Variants in GRIN2B observed in about 807,000 individuals in gnomAD.
GRIN2B encodes glutamate receptor ionotropic, NMDA 2B.
GRIN2B carries 5 observed loss-of-function variants against 114.5 expected under a neutral mutation model. The ratio of observed to expected loss-of-function variants is 0.04; its 90% CI spans 0.02 to 0.09. The LOEUF (loss-of-function observed/expected upper bound fraction) is 0.09, where lower values mean the gene tolerates loss of function less well. Among genes scored for constraint, GRIN2B ranks in the 10% least tolerant of loss-of-function variants. The pLI, the probability that GRIN2B is intolerant of heterozygous loss-of-function variation, is 1.00. For synonymous variants in GRIN2B, 787 were observed against 745.1 expected (o/e 1.06, Z -0.92); for missense variants, 1,108 against 1,943.5 (o/e 0.57, Z 8.08).
intron 3 of GRIN2B, among the ~76,000 whole-genome samples, chr12:13,820,925 C>A (rs1864922582): frequency 6.6e-6 from 1 of 152,082 alleles, no homozygotes; most frequent in African/African-American, 2.4e-5. Flanking sequence ...AATTCTACTG[C>A]CCACAGAATG....
intron 4 of GRIN2B, among the ~76,000 whole-genome samples, chr12:13,692,760 C>CTTTTTTTTT (rs71067718): frequency 5.8e-5 from 3 of 52,120 alleles, no homozygotes; most frequent in African/African-American, 9.5e-5. Context: ...TCTTTCTTTT[C>CTTTTTTTTT]TTTTTTTTTT....
intron 4 of GRIN2B, among the ~76,000 whole-genome samples, chr12:13,695,884 G>A (rs962811755): frequency 6.6e-6 from 1 of 152,148 alleles, no homozygotes; most frequent in African/African-American, 2.4e-5. Flanking sequence ...GCATGCTGGA[G>A]AATAATCTGA....
At chr12:13,936,593 T>C (rs948639635) in intron 2 of GRIN2B, among the ~76,000 whole-genome samples, 7 of 152,204 alleles carry the variant, frequency 4.6e-5, no homozygotes, top group Non-Finnish European at 8.8e-5. Context: ...TTAATACTTT[T>C]CTAAGGGAAA....
Position 13,555,845 on chromosome 12 carries a change from T to C in GRIN2B, c.*6938A>G, listed in dbSNP as rs908079555. ...AATTAAAAAGTCCAAGTGAGTAGGC[T>C]TCAGGTGAGGTTAAATTGATTGAAT... On this transcript the variant is annotated 3_prime_UTR_variant, in exon 14 of 14. Transcript: ENST00000609686. 6.6e-6 allele frequency: 1 copy of C among 152,176 alleles called. No homozygotes were observed. The highest frequency in any genetic ancestry group is 6.5e-5 in the Admixed American group (1 of 15,274). 9.4% of individuals were successfully genotyped at this position (152,176 alleles called of 1,614,324 possible).
chr12:13,917,827 A>G (rs1866758760), intron 2 of GRIN2B, among the ~76,000 whole-genome samples: 1 of 152,238 alleles, frequency 6.6e-6, no homozygotes, highest in Non-Finnish European at 1.5e-5. Flanking sequence ...AAAATATGCA[A>G]CAGTGTTCTT....
At chr12:13,691,817 C>T (rs1403502384) in intron 4 of GRIN2B, among the ~76,000 whole-genome samples, 2 of 152,122 alleles carry the variant, frequency 1.3e-5, no homozygotes, top group Non-Finnish European at 2.9e-5. Flanking sequence ...GTACAGAGAA[C>T]TGCCAAAATA....
intron 2 of GRIN2B, among the ~76,000 whole-genome samples, chr12:13,952,030 G>A (rs1285762817): frequency 6.6e-6 from 1 of 152,104 alleles, no homozygotes; most frequent in Non-Finnish European, 1.5e-5. Flanking sequence ...ATATATAGCA[G>A]TAAGAGAGAA....
At chr12:13,765,071 G>T (rs765435077) in intron 3 of GRIN2B, among the ~76,000 whole-genome samples, 1 of 152,190 alleles carries the variant, frequency 6.6e-6, no homozygotes. Context: ...TGTGAATTCT[G>T]ATCCATGCTA....
chr12:13,547,973 A>ATTT lies in GRIN2B; in HGVS notation c.*14809_*14810insAAA, dbSNP rs1313051828. 3.2e-3 allele frequency: 148 copies of ATTT among 46,274 alleles called. No homozygotes were observed. The highest frequency in any genetic ancestry group is 8.7e-3 in the African/African-American group (142 of 16,332). The allele number at this position is 46,274 out of a possible 1,614,324, so 2.9% of individuals were successfully genotyped here. Reference sequence around the variant, plus strand: ...TGTATGTGTGTGTATATATATATATATATATATATTTTTTTTTTTTTTCTG... The same window carrying ATTT: ...TGTATGTGTGTGTATATATATATATATTTTATATATATTTTTTTTTTTTTTCTG... On this transcript the variant is annotated 3_prime_UTR_variant, in exon 14 of 14. Coordinates refer to ENST00000609686, the MANE Select transcript of GRIN2B (RefSeq NM_000834.5).
intron 2 of GRIN2B, among the ~76,000 whole-genome samples, chr12:13,877,782 G>T (rs1866011585): frequency 6.6e-6 from 1 of 152,066 alleles, no homozygotes. Context: ...CTACTCTCAG[G>T]CCAGGCGCAG....
intron 5 of GRIN2B, among the ~76,000 whole-genome samples, chr12:13,637,673 T>C (rs1019504532): frequency 1.6e-4 from 25 of 152,154 alleles, no homozygotes; most frequent in African/African-American, 5.8e-4. Context: ...TTATCATTCA[T>C]AACCTAATAG....
intron 10 of GRIN2B, among the ~76,000 whole-genome samples, chr12:13,593,284 A>T (rs1949031654): frequency 6.6e-6 from 1 of 152,236 alleles, no homozygotes; most frequent in South Asian, 2.1e-4. Context: ...ATGCTACCTG[A>T]CTTCAAACTA....
chr12:13,588,571 T>A (rs1948963546), intron 10 of GRIN2B, among the ~76,000 whole-genome samples: 1 of 152,166 alleles, frequency 6.6e-6, no homozygotes, highest in Non-Finnish European at 1.5e-5. Context: ...GCATACAAAA[T>A]AATTCTTACA....
chr12:13,685,078 G>A (rs1950165572), intron 4 of GRIN2B, among the ~76,000 whole-genome samples: 1 of 152,102 alleles, frequency 6.6e-6, no homozygotes, highest in Admixed American at 6.5e-5. Context: ...GAAGCCCTTG[G>A]GTAAGAACCT....
At chr12:13,920,092 C>G (rs1283102600) in intron 2 of GRIN2B, among the ~76,000 whole-genome samples, 2 of 151,990 alleles carry the variant, frequency 1.3e-5, no homozygotes, top group Admixed American at 6.6e-5. Flanking sequence ...AAGAGCCCGC[C>G]TCCTCACTGA....
intron 5 of GRIN2B, among the ~76,000 whole-genome samples, chr12:13,642,974 A>G (rs1401417186): frequency 6.6e-6 from 1 of 152,176 alleles, no homozygotes. Context: ...ATATGCCACA[A>G]AAGAATACAC....
intron 4 of GRIN2B, among the ~76,000 whole-genome samples, chr12:13,736,531 A>C (rs889486223): frequency 5.3e-5 from 8 of 152,154 alleles, no homozygotes; most frequent in African/African-American, 1.9e-4. Context: ...CTTAACCTCA[A>C]ATGCAGAACT....
intron 4 of GRIN2B, among the ~76,000 whole-genome samples, chr12:13,732,999 G>A (rs1412927361): frequency 6.6e-6 from 1 of 152,250 alleles, no homozygotes; most frequent in African/African-American, 2.4e-5. Context: ...CTAGTTAGAG[G>A]AACACACACA....
chr12:13,607,001 G>A (rs939850196), intron 10 of GRIN2B, among the ~76,000 whole-genome samples: 1 of 149,486 alleles, frequency 6.7e-6, no homozygotes, highest in African/African-American at 2.5e-5. Context: ...GGTAAACACA[G>A]TGGAGTATAT....
Sources: gnomAD v4.1 joint callset for allele counts (sites outside exome capture counted in the v4.1 genomes callset) on GRCh38, gnomAD v4.1.1 for gene constraint, MANE v1.5 for transcripts, NCBI Gene and HGNC (gene_info 2026-07-23, HGNC 2026-07-21) for gene names.